The following ANK3 variants were observed in gnomAD, a reference collection of about 807,000 sequenced individuals.
The protein encoded by ANK3 is ankyrin-3.
ANK3 carries 57 observed loss-of-function variants against 370.9 expected under a neutral mutation model. The ratio of observed to expected loss-of-function variants is 0.15; its 90% CI spans 0.12 to 0.19. ANK3 has a LOEUF of 0.19. Among genes scored for constraint, ANK3 ranks in the 10% least tolerant of loss-of-function variants. The pLI is 1.00. For synonymous variants in ANK3, 1,929 were observed against 1,946.3 expected (o/e 0.99, Z 0.23); for missense variants, 4,439 against 5,302.1 (o/e 0.84, Z 5.06).
At chr10:60,179,358 G>A (rs889057576) in intron 18 of ANK3, among the ~76,000 whole-genome samples, 4 of 152,258 alleles carry the variant, frequency 2.6e-5, no homozygotes, top group African/African-American at 9.6e-5. Context: ...GTTTGTAAAG[G>A]GCAGGAAAGG....
At chr10:60,306,604 T>C (rs532534281) in intron 1 of ANK3, among the ~76,000 whole-genome samples, 3 of 152,156 alleles carry the variant, frequency 2.0e-5, no homozygotes, top group Non-Finnish European at 4.4e-5. Flanking sequence ...GTGGGATCGT[T>C]GGATTGAATG....
At chr10:60,463,647 A>G (rs920328822) in intron 2 of ANK3, among the ~76,000 whole-genome samples, 12 of 151,640 alleles carry the variant, frequency 7.9e-5, no homozygotes, top group African/African-American at 2.9e-4. Context: ...GTTCCATTTT[A>G]TTCTCAATGG....
intron 25 of ANK3, among the ~76,000 whole-genome samples, chr10:60,131,345 G>A (rs1300085020): frequency 6.6e-6 from 1 of 152,124 alleles, no homozygotes; most frequent in Non-Finnish European, 1.5e-5. Flanking sequence ...AAACATGCTG[G>A]TTCCACAAGG....
chr10:60,479,727 A>G (rs998648108), intron 2 of ANK3, among the ~76,000 whole-genome samples: 1 of 152,048 alleles, frequency 6.6e-6, no homozygotes, highest in Non-Finnish European at 1.5e-5. Context: ...GTAGCATATA[A>G]AGAGACAGCC....
At chr10:60,535,497 A>G (rs1393267927) in intron 2 of ANK3, among the ~76,000 whole-genome samples, 1 of 152,072 alleles carries the variant, frequency 6.6e-6, no homozygotes, top group African/African-American at 2.4e-5. Flanking sequence ...GGCTATATAT[A>G]GTAGAAATAA....
chr10:60,316,385 T>C (rs1471643339), intron 1 of ANK3, among the ~76,000 whole-genome samples: 1 of 152,204 alleles, frequency 6.6e-6, no homozygotes, highest in African/African-American at 2.4e-5. Context: ...AACCTGGGTT[T>C]AAAGTTTGCT....
At chr10:60,675,892 A>G (rs751975296) in intron 1 of ANK3, among the ~76,000 whole-genome samples, 8 of 152,238 alleles carry the variant, frequency 5.3e-5, no homozygotes, top group Non-Finnish European at 1.2e-4. Context: ...ACAGTTCTTC[A>G]GGAACATAGC....
rs531612847 is a variant in ANK3 at position 60,530,472 on chromosome 10, T to C, written c.96+84714A>G. ...CTTCACCAAAAAAAAAAAAACCCTATGATATAGGTACAAATTTTATAGATA... is the reference window on the plus strand; with the variant it reads ...CTTCACCAAAAAAAAAAAAACCCTACGATATAGGTACAAATTTTATAGATA... On this transcript the variant is annotated intron_variant, in intron 2 of 43. Coordinates refer to the ANK3 transcript ENST00000373827. Among the ~76,000 whole-genome samples, 5 of 148,524 alleles carry C rather than the reference T, an allele frequency of 3.4e-5. No homozygotes were observed. The South Asian group carries it at 6.5e-4, about 19-fold the overall frequency.
At chr10:60,331,818 A>C (rs184020544) in intron 1 of ANK3, among the ~76,000 whole-genome samples, 241 of 152,338 alleles carry the variant, frequency 1.6e-3, no homozygotes, top group Non-Finnish European at 2.8e-3. Context: ...ATTTATTGCA[A>C]GAAGCAACCA....
At position 60,036,422 on chromosome 10, in the gene ANK3, A is replaced by ATTTTTTTTTT. The variant is rs563946588; in HGVS notation, c.*19+6240_*19+6249dup. Among the ~76,000 whole-genome samples the ATTTTTTTTTT allele has an allele frequency of 4.3e-3, 314 of 72,278 alleles. 49 individuals carry two copies. Among genetic ancestry groups the ATTTTTTTTTT allele is most frequent in the South Asian group, 8.0e-3 (11 of 1,372 alleles). The allele number at this position is 72,278 out of a possible 152,430, so 47.4% of individuals were successfully genotyped here. On this transcript the variant is annotated intron_variant, in intron 43 of 43. Coordinates refer to ENST00000280772, the MANE Select transcript of ANK3 (RefSeq NM_020987.5). ...CTGCGGAAGAGAGAGGTCAGAGGCAATTTTTTTTTTTTTTTTTTTTTTTTT... is the reference window on the plus strand; with the variant it reads ...CTGCGGAAGAGAGAGGTCAGAGGCAATTTTTTTTTTTTTTTTTTTTTTTTTTTTTTTTTTT...
At chr10:60,577,166 TG>T (rs1473022482) in intron 2 of ANK3, among the ~76,000 whole-genome samples, 11 of 152,118 alleles carry the variant, frequency 7.2e-5, no homozygotes, top group Admixed American at 7.2e-4. Context: ...AGGGAATAGG[TG>T]GCCATTCTTC....
chr10:60,365,433 G>A (rs1190945407), intron 1 of ANK3, among the ~76,000 whole-genome samples: 1 of 152,002 alleles, frequency 6.6e-6, no homozygotes, highest in African/African-American at 2.4e-5. Flanking sequence ...AACAATAAAG[G>A]GCAATCAATC....
intron 1 of ANK3, among the ~76,000 whole-genome samples, chr10:60,706,241 C>T (rs1303558853): frequency 2.0e-5 from 3 of 152,162 alleles, no homozygotes; most frequent in Non-Finnish European, 2.9e-5. Flanking sequence ...CACCTAAATG[C>T]AAAGGGCATC....
rs531709523 is a variant in ANK3 at position 60,371,636 on chromosome 10, A to G, written c.114+17789T>C. 4.7e-4 allele frequency among the ~76,000 whole-genome samples: 72 copies of G among 152,262 alleles called. No homozygotes were observed. In the East Asian group the frequency reaches 0.014, roughly 29 times the overall value. ...TCTTTTTATGTCCTTCTTATGGGGT[A>G]ATTCTCCAGTCAAGATAATTCTACA... is the stretch of plus-strand genomic sequence containing the variant. On this transcript the variant is annotated intron_variant, in intron 1 of 43. Transcript: ENST00000280772.
At chr10:60,626,057 G>A (rs190541585) in intron 1 of ANK3, among the ~76,000 whole-genome samples, 6 of 151,928 alleles carry the variant, frequency 3.9e-5, no homozygotes, top group African/African-American at 7.3e-5. Flanking sequence ...TTTGGAAGAC[G>A]GTCCCTTTGG....
intron 1 of ANK3, among the ~76,000 whole-genome samples, chr10:60,357,799 G>A (rs61846511): frequency 0.025 from 3,807 of 152,162 alleles, 71 homozygotes; most frequent in Middle Eastern, 0.051. Context: ...TGGATACGAT[G>A]TGATGAGTAC....
At chr10:60,711,949 C>T (rs115722651) in intron 1 of ANK3, among the ~76,000 whole-genome samples, 1,561 of 152,188 alleles carry the variant, frequency 0.01, 28 homozygotes, top group African/African-American at 0.036. Context: ...AAGAATAAAC[C>T]CTCAACCTAT....
At chr10:60,703,711 T>A (rs1462906978) in intron 1 of ANK3, among the ~76,000 whole-genome samples, 2 of 152,160 alleles carry the variant, frequency 1.3e-5, no homozygotes, top group Non-Finnish European at 2.9e-5. Context: ...TACCACCTAG[T>A]ATAAAATATG....
At chr10:60,267,730 A>G (rs1019885218) in intron 5 of ANK3, among the ~76,000 whole-genome samples, 1 of 152,158 alleles carries the variant, frequency 6.6e-6, no homozygotes, top group Non-Finnish European at 1.5e-5. Context: ...TTTGCTTCTA[A>G]AGGAGAGATA....
Sources: allele counts gnomAD v4.1 joint callset (sites outside exome capture counted in the v4.1 genomes callset), GRCh38; gene constraint gnomAD v4.1.1; transcripts MANE v1.5; gene names NCBI Gene and HGNC (gene_info 2026-07-23, HGNC 2026-07-21).